GON4L: variants seen among roughly 807,000 people sequenced by gnomAD.
The protein encoded by GON4L is gon-4 like, also known as GON-4-like protein.
GON4L carries 87 observed loss-of-function variants against 211.8 expected under a neutral mutation model. The ratio of observed to expected loss-of-function variants is 0.41; its 90% CI spans 0.35 to 0.49. The LOEUF (loss-of-function observed/expected upper bound fraction) is 0.49. GON4L is among the 20% of genes least tolerant of loss of function. The pLI is 0.15. For missense variants in GON4L, 2,155 were observed against 2,659.5 expected, an observed-to-expected ratio of 0.81 and a Z score of 4.17; for synonymous variants, 875 against 962.6, an observed-to-expected ratio of 0.91 and a Z score of 1.68.
chr1:155,750,765 C>CTT, intron 31 of GON4L, 32 bp from the exon 32 acceptor site: 10 of 1,372,770 alleles, frequency 7.3e-6, no homozygotes, highest in Non-Finnish European at 8.9e-6. Flanking sequence ...ATTCACTGGT[C>CTT]TTTTTTTTTT....
chr1:155,747,500 G>A (rs1660280972), downstream of GON4L: 1 of 1,605,420 alleles, frequency 6.2e-7, no homozygotes, highest in Non-Finnish European at 8.5e-7. Flanking sequence ...CCCTTCCCCA[G>A]GACAAGAGGC....
chr1:155,781,173 G>A (rs1295922780), intron 14 of GON4L, among the ~76,000 whole-genome samples: 2 of 150,710 alleles, frequency 1.3e-5, no homozygotes, highest in Admixed American at 1.3e-4. Flanking sequence ...ATGGAGTTTC[G>A]TTCCTATTGC....
At chr1:155,779,515 T>C (rs1417421804) in intron 14 of GON4L, among the ~76,000 whole-genome samples, 9 of 151,632 alleles carry the variant, frequency 5.9e-5, no homozygotes, top group Non-Finnish European at 1.0e-4. Flanking sequence ...CGGGGTTTCA[T>C]CATGTTGGCC....
In GON4L at chr1:155,827,022, G is replaced by A. The variant is rs375816920; in HGVS notation, c.512C>T (p.Pro171Leu). Residue 171 changes from proline to leucine, a missense_variant, in exon 3 of 32, where the codon CCT (proline) becomes CTT (leucine). Physicochemically the swap from Pro to Leu is moderately conservative, Grantham distance 98. Transcript: ENST00000368331. The stretch of plus-strand genomic sequence containing the variant: ...TATCTCCCCTTCAGAATTCATTTGA[G>A]GTTTCCCTGGAAGAATCACAAATAT... ...SEEVKEEGGK[P>L]QMNSEGEIPS... 8.4e-5 allele frequency: 136 copies of A among 1,611,520 alleles called. No homozygotes were observed. Among genetic ancestry groups the A allele is most frequent in the Admixed American group, 1.5e-4 (9 of 60,014 alleles).
intron 2 of GON4L, among the ~76,000 whole-genome samples, chr1:155,842,338 C>T (rs1421146188): frequency 6.6e-6 from 1 of 151,708 alleles, no homozygotes; most frequent in East Asian, 1.9e-4. Flanking sequence ...TACTGGCTAA[C>T]ATGGTGAAAC....
At chr1:155,764,781 C>A in intron 21 of GON4L, 1 of 1,281,914 alleles carries the variant, frequency 7.8e-7, no homozygotes, top group Non-Finnish European at 1.1e-6. Context: ...TCAGGTGATT[C>A]AATTTAATGT....
chr1:155,825,486 C>A (rs1464552248), intron 3 of GON4L, among the ~76,000 whole-genome samples: 1 of 151,296 alleles, frequency 6.6e-6, no homozygotes, highest in South Asian at 2.1e-4. Context: ...GCAGGAGAAT[C>A]GCTGGAACCC....
chr1:155,814,368 T>C lies in GON4L; in HGVS notation c.1243A>G (p.Met415Val), dbSNP rs1668050107. Residue 415 changes from methionine to valine, a missense_variant, in exon 9 of 32, where the codon ATG (methionine) becomes GTG (valine). Coordinates refer to ENST00000368331, the MANE Select transcript of GON4L (RefSeq NM_001282860.2). Reference protein sequence around the residue: ...KKSRLRQSSEMTETDEESGIL... With the variant: ...KKSRLRQSSEVTETDEESGIL... Reference sequence around the variant, plus strand: ...CCACTCTCCTCATCTGTTTCAGTCATCTCAGAAGACTGCCTCAATCTGGAT... The same window carrying C: ...CCACTCTCCTCATCTGTTTCAGTCACCTCAGAAGACTGCCTCAATCTGGAT... 2 of 1,613,544 alleles carry C rather than the reference T, an allele frequency of 1.2e-6. No homozygotes were observed. The highest frequency in any genetic ancestry group is 2.7e-5 in the African/African-American group (2 of 75,038).
intron 2 of GON4L, among the ~76,000 whole-genome samples, chr1:155,850,787 A>T (rs973845131): frequency 1.2e-4 from 19 of 152,218 alleles, no homozygotes; most frequent in Admixed American, 7.9e-4. Context: ...GCAGTGGTTC[A>T]CGCCTGTAAT....
chr1:155,757,863 A>C, intron 25 of GON4L, 28 bp downstream of exon 25: 1 of 238,600 alleles, frequency 4.2e-6, no homozygotes, highest in South Asian at 4.1e-5. Flanking sequence ...GGAAGACAAC[A>C]GGAAGAAAGC....
chr1:155,781,427 C>T (rs1015779778), intron 14 of GON4L, among the ~76,000 whole-genome samples: 5 of 149,228 alleles, frequency 3.4e-5, no homozygotes, highest in Non-Finnish European at 7.4e-5. Context: ...ATTACAGGTG[C>T]CAGCCACCAC....
chr1:155,829,541 A>T (rs1438594799), intron 2 of GON4L, among the ~76,000 whole-genome samples: 1 of 152,062 alleles, frequency 6.6e-6, no homozygotes, highest in Non-Finnish European at 1.5e-5. Flanking sequence ...CAGAGGTTGC[A>T]GTGAGCCAAG....
intron 2 of GON4L, chr1:155,846,676 C>T (rs557997066): frequency 1.3e-5 from 2 of 152,054 alleles, no homozygotes; most frequent in South Asian, 2.1e-4. Flanking sequence ...ACTAAACCAG[C>T]GTGCTACTGG....
chr1:155,805,296 A>G (rs1046998336), intron 10 of GON4L, among the ~76,000 whole-genome samples, 155 bp from the exon 11 acceptor site: 18 of 152,164 alleles, frequency 1.2e-4, no homozygotes, highest in African/African-American at 4.1e-4. Flanking sequence ...CACGACATAA[A>G]AAAGAAATAA....
chr1:155,804,815 T>G lies in GON4L; in HGVS notation c.1645+134A>C, dbSNP rs117758841. The G allele has an allele frequency of 2.0e-4, 145 of 740,830 alleles. No individual in the cohort carries two copies. The East Asian group carries it at 3.5e-3, about 18-fold the overall frequency. 45.9% of individuals were successfully genotyped at this position (740,830 alleles called of 1,614,324 possible). On this transcript the variant is annotated intron_variant, in intron 11 of 31. Transcript: ENST00000368331. ...AAAAAAAGAAAAATTAACTACTGAT[T>G]TAAGATAAATTATCAGTTAAATACA...
In GON4L at chr1:155,814,349, T is replaced by G. The variant is rs1277149699; in HGVS notation, c.1262A>C (p.Glu421Ala). Reference protein sequence around the residue: ...QSSEMTETDEESGILSEAEKV... With the variant: ...QSSEMTETDEASGILSEAEKV... ...ATTTACCTCTGATAATATGCCACTCTCCTCATCTGTTTCAGTCATCTCAGA... is the reference window on the plus strand; with the variant it reads ...ATTTACCTCTGATAATATGCCACTCGCCTCATCTGTTTCAGTCATCTCAGA... The change falls in exon 9 of 32, where the codon GAG (glutamate) becomes GCG (alanine). Residue 421 changes from glutamate (E) to alanine (A), a missense_variant. By Grantham distance (107) the Glu-to-Ala change is moderately radical. Coordinates refer to ENST00000368331, the MANE Select transcript of GON4L (RefSeq NM_001282860.2). 6.2e-7 allele frequency: 1 copy of G among 1,613,528 alleles called. No individual in the cohort carries two copies.
rs922077940 is a variant in GON4L, at chr1:155,817,314, C to T, written c.1015-1052G>A. Among the ~76,000 whole-genome samples the T allele has an allele frequency of 1.4e-4, 21 of 152,194 alleles. No homozygotes were observed. The East Asian group carries it at 3.5e-3, about 25-fold the overall frequency. ...TAGCCTAAAGAACTTTTTTAAAGTT[C>T]TTATATACTGCTGATAAAATGCCAT... On this transcript the variant is annotated intron_variant, in intron 6 of 31. Coordinates refer to ENST00000368331, the MANE Select transcript of GON4L (RefSeq NM_001282860.2).
downstream of GON4L, among the ~76,000 whole-genome samples, chr1:155,745,177 A>G (rs1290074684): frequency 2.0e-5 from 3 of 152,256 alleles, no homozygotes; most frequent in African/African-American, 7.2e-5. Context: ...ACAATGGACT[A>G]TTCCACAGAG....
chr1:155,786,363 A>G (rs1007918557), intron 12 of GON4L, among the ~76,000 whole-genome samples: 5 of 151,942 alleles, frequency 3.3e-5, no homozygotes, highest in Non-Finnish European at 2.9e-5. Flanking sequence ...TGTTGAAACC[A>G]TATCTCTACA....
Sources: gnomAD v4.1 joint callset for allele counts (sites outside exome capture counted in the v4.1 genomes callset) on GRCh38, gnomAD v4.1.1 for gene constraint, MANE v1.5 for transcripts, NCBI Gene and HGNC (gene_info 2026-07-23, HGNC 2026-07-21) for gene names.